NKAIN3: variants seen among roughly 807,000 people sequenced by gnomAD.
NKAIN3 encodes sodium/potassium-transporting ATPase subunit beta-1-interacting protein 3.
A neutral mutation model predicts 30.2 loss-of-function variants in NKAIN3; 25 were observed. That is an observed-to-expected ratio of 0.83 (90% CI 0.60 to 1.16). NKAIN3 has a LOEUF of 1.16. Among genes scored for constraint, NKAIN3 ranks in the 50% most tolerant of loss-of-function variants. NKAIN3 has a pLI of 0.00. For synonymous variants in NKAIN3, 91 were observed against 89.6 expected (o/e 1.02, Z -0.09); for missense variants, 225 against 254.1 (o/e 0.89, Z 0.78).
At chr8:62,960,832 G>A (rs1023773501) in intron 6 of NKAIN3, among the ~76,000 whole-genome samples, 1 of 152,008 alleles carries the variant, frequency 6.6e-6, no homozygotes, top group African/African-American at 2.4e-5. Flanking sequence ...ATTCTGCCTT[G>A]AGGGCAGTTA....
chr8:62,651,786 T>C (rs181903200), intron 3 of NKAIN3, among the ~76,000 whole-genome samples: 1 of 152,182 alleles, frequency 6.6e-6, no homozygotes, highest in Admixed American at 6.5e-5. Flanking sequence ...GATAAGCAAG[T>C]TCTCACTCAG....
At chr8:62,746,549 T>C (rs574050316) in intron 3 of NKAIN3, among the ~76,000 whole-genome samples, 1 of 152,206 alleles carries the variant, frequency 6.6e-6, no homozygotes, top group Admixed American at 6.5e-5. Flanking sequence ...TACCATGCCA[T>C]AAAAGCATTC....
chr8:62,575,141 A>G (rs1434476653), intron 1 of NKAIN3, among the ~76,000 whole-genome samples: 2 of 152,158 alleles, frequency 1.3e-5, no homozygotes, highest in Non-Finnish European at 2.9e-5. Flanking sequence ...TAAGAGAAGG[A>G]AATAAAAGGC....
rs10105397 is a variant in NKAIN3, at chr8:62,956,168, C to A, written c.603+2196C>A. Among the ~76,000 whole-genome samples, 1,397 of 152,208 alleles carry A rather than the reference C, an allele frequency of 9.2e-3. 23 individuals are homozygous for A. The highest frequency in any genetic ancestry group is 0.032 in the African/African-American group (1,350 of 41,544). On this transcript the variant is annotated intron_variant, in intron 6 of 6. Coordinates refer to ENST00000623646, the MANE Select transcript of NKAIN3 (RefSeq NM_001304533.3). Reference sequence around the variant, plus strand: ...AATCTACTTGATTTCTTTTAATAAGCCCGTTATATTGAATTCCATTGAATC... The same window carrying A: ...AATCTACTTGATTTCTTTTAATAAGACCGTTATATTGAATTCCATTGAATC...
chr8:62,714,186 G>C (rs958107486), intron 3 of NKAIN3, among the ~76,000 whole-genome samples: 1 of 151,990 alleles, frequency 6.6e-6, no homozygotes. Context: ...ATCTTAAAAA[G>C]TGTAAGATTT....
At position 62,483,644 on chromosome 8, in the gene NKAIN3, T is replaced by C. The variant is rs548343349; in HGVS notation, c.55-95895T>C. On this transcript the variant is annotated intron_variant, in intron 1 of 6. Coordinates refer to ENST00000623646, the MANE Select transcript of NKAIN3 (RefSeq NM_001304533.3). ...TTTGAATGGGTAATCTTCTCATAGG[T>C]TGATTTTGATTCTGAAGGCCGCCTT... is the stretch of plus-strand genomic sequence containing the variant. 46 of 199,714 alleles carry C rather than the reference T, an allele frequency of 2.3e-4. 1 individual carries two copies. Among genetic ancestry groups the C allele is most frequent in the Middle Eastern group, 4.3e-3 (2 of 466 alleles). The allele number at this position is 199,714 out of a possible 1,614,324, so 12.4% of individuals were successfully genotyped here.
At chr8:62,358,087 G>T (rs1816416520) in intron 1 of NKAIN3, among the ~76,000 whole-genome samples, 1 of 152,076 alleles carries the variant, frequency 6.6e-6, no homozygotes, top group Non-Finnish European at 1.5e-5. Context: ...TGGGAAAGCG[G>T]CATAAGGTAT....
At chr8:62,358,814 G>A (rs1358158191) in intron 1 of NKAIN3, among the ~76,000 whole-genome samples, 2 of 152,154 alleles carry the variant, frequency 1.3e-5, no homozygotes, top group African/African-American at 4.8e-5. Flanking sequence ...AATTTATAGA[G>A]GTAAACAAAC....
At chr8:62,339,605 A>C (rs373325845) in intron 1 of NKAIN3, among the ~76,000 whole-genome samples, 1 of 152,050 alleles carries the variant, frequency 6.6e-6, no homozygotes, top group East Asian at 1.9e-4. Context: ...TTTTGTCTAA[A>C]CTATCCTGTA....
intron 3 of NKAIN3, among the ~76,000 whole-genome samples, chr8:62,658,954 A>G (rs947366726): frequency 1.3e-5 from 2 of 152,030 alleles, no homozygotes; most frequent in Non-Finnish European, 2.9e-5. Context: ...TGATGAGGAG[A>G]AAAGAGTGAC....
chr8:62,430,205 T>C (rs1265535772), intron 1 of NKAIN3, among the ~76,000 whole-genome samples: 2 of 151,906 alleles, frequency 1.3e-5, no homozygotes, highest in Non-Finnish European at 2.9e-5. Context: ...GGCTGAATAA[T>C]ATCCCATTTT....
chr8:62,307,311 C>T (rs540466688), intron 1 of NKAIN3, among the ~76,000 whole-genome samples: 4 of 149,200 alleles, frequency 2.7e-5, no homozygotes, highest in Admixed American at 2.0e-4. Flanking sequence ...GAAATCAAGC[C>T]AAAATTCTAT....
At chr8:62,708,932 G>C (rs1235743283) in intron 3 of NKAIN3, among the ~76,000 whole-genome samples, 1 of 152,092 alleles carries the variant, frequency 6.6e-6, no homozygotes, top group African/African-American at 2.4e-5. Context: ...TAATCATAAA[G>C]GGATGCTGGA....
intron 3 of NKAIN3, among the ~76,000 whole-genome samples, chr8:62,713,449 C>G (rs1433297110): frequency 6.6e-6 from 1 of 152,144 alleles, no homozygotes; most frequent in African/African-American, 2.4e-5. Flanking sequence ...ATATAGATAA[C>G]TTCATCAGTT....
intron 1 of NKAIN3, among the ~76,000 whole-genome samples, chr8:62,458,155 G>C (rs1410626859): frequency 6.6e-6 from 1 of 152,098 alleles, no homozygotes; most frequent in Non-Finnish European, 1.5e-5. Flanking sequence ...ACTCTGTCAA[G>C]ATTAATCTCT....
rs1183923461 is a variant in NKAIN3 at position 62,967,934 on chromosome 8, G to T, written c.*2527G>T. 1.3e-5 allele frequency among the ~76,000 whole-genome samples: 2 copies of T among 152,122 alleles called. No homozygotes were observed. The highest frequency in any genetic ancestry group is 4.8e-5 in the African/African-American group (2 of 41,440). Reference sequence around the variant, plus strand: ...GAACTTAGTCTAAGTGCAGATAACAGCTTTGAGGAAAAAATCCTTACCTTA... The same window carrying T: ...GAACTTAGTCTAAGTGCAGATAACATCTTTGAGGAAAAAATCCTTACCTTA... On this transcript the variant is annotated 3_prime_UTR_variant, in exon 7 of 7. Transcript: ENST00000623646.
At chr8:62,962,609 C>T (rs551756090) in intron 6 of NKAIN3, among the ~76,000 whole-genome samples, 5 of 152,152 alleles carry the variant, frequency 3.3e-5, no homozygotes, top group African/African-American at 4.8e-5. Flanking sequence ...TTGGCCTGTA[C>T]CGCCTAGATG....
At chr8:62,751,475 T>C (rs1816282158) in intron 4 of NKAIN3, among the ~76,000 whole-genome samples, 2 of 152,162 alleles carry the variant, frequency 1.3e-5, no homozygotes, top group Admixed American at 1.3e-4. Flanking sequence ...CAAAGTGCCT[T>C]TATGCAAGTG....
chr8:62,849,664 C>G (rs1363116265), intron 4 of NKAIN3, among the ~76,000 whole-genome samples: 2 of 119,420 alleles, frequency 1.7e-5, no homozygotes, highest in African/African-American at 6.4e-5. Context: ...TCCATGTGTT[C>G]TCATTGTTCA....
Sources: allele counts gnomAD v4.1 joint callset (sites outside exome capture counted in the v4.1 genomes callset), GRCh38; gene constraint gnomAD v4.1.1; transcripts MANE v1.5; gene names NCBI Gene and HGNC (gene_info 2026-07-23, HGNC 2026-07-21).